KYNU: variants seen among roughly 807,000 people sequenced by gnomAD.
KYNU encodes the protein L-kynurenine hydrolase.
KYNU carries 54 observed loss-of-function variants against 59.2 expected under a neutral mutation model. The observed-to-expected ratio is 0.91, with a 90% confidence interval of 0.73 to 1.14. KYNU has a LOEUF of 1.14. Ranked by LOEUF, KYNU falls within the 50% of genes most tolerant of loss-of-function variation. The pLI, the probability that KYNU is intolerant of heterozygous loss-of-function variation, is 0.00. For missense variants in KYNU, 567 were observed against 554.4 expected (o/e 1.02, Z -0.23); for synonymous variants, 177 against 192.0 (o/e 0.92, Z 0.65).
intron 10 of KYNU, among the ~76,000 whole-genome samples, chr2:142,996,065 C>A (rs746716256): frequency 1.3e-5 from 2 of 152,034 alleles, no homozygotes; most frequent in Admixed American, 1.3e-4. Context: ...AATGCCCTAC[C>A]GTGGGAATAT....
intron 4 of KYNU, among the ~76,000 whole-genome samples, chr2:142,931,770 G>T (rs1683227138): frequency 6.6e-6 from 1 of 152,178 alleles, no homozygotes; most frequent in South Asian, 2.1e-4. Flanking sequence ...TTTGCCTGAA[G>T]ATTGAGGCCT....
chr2:143,015,409 A>G (rs1247262119), intron 10 of KYNU, among the ~76,000 whole-genome samples: 6 of 152,110 alleles, frequency 3.9e-5, no homozygotes, highest in African/African-American at 7.2e-5. Context: ...ATCATGCAAA[A>G]TTCTCAGGCG....
intron 8 of KYNU, among the ~76,000 whole-genome samples, chr2:142,961,854 T>G (rs532683398): frequency 6.6e-6 from 1 of 152,328 alleles, no homozygotes; most frequent in South Asian, 2.1e-4. Context: ...AATGTGACAA[T>G]TGAATTTTAT....
At chr2:142,930,915 A>C (rs1297218707) in intron 4 of KYNU, among the ~76,000 whole-genome samples, 1 of 152,142 alleles carries the variant, frequency 6.6e-6, no homozygotes, top group Non-Finnish European at 1.5e-5. Context: ...ATGCTGTTTT[A>C]ATGAGCGCCT....
rs143816217 is a variant in KYNU, at chr2:142,915,239, G to A, written c.170-3370G>A. ...TAACTACTTCAGGAAACTGGAGATT[G>A]GAGGTCTCCAGTGGGAAGGAGATTT... On this transcript the variant is annotated intron_variant, in intron 2 of 13. Transcript: ENST00000264170. 7.6e-3 allele frequency among the ~76,000 whole-genome samples: 1,161 copies of A among 152,258 alleles called. 7 individuals carry two copies. Among genetic ancestry groups the A allele is most frequent in the African/African-American group, 0.027 (1,113 of 41,534 alleles).
At chr2:143,028,873 A>G (rs1686656959) in intron 10 of KYNU, among the ~76,000 whole-genome samples, 1 of 150,974 alleles carries the variant, frequency 6.6e-6, no homozygotes, top group Non-Finnish European at 1.5e-5. Flanking sequence ...AAAACAAAAC[A>G]AAACAAAAAC....
chr2:143,014,846 A>G (rs1465831001), intron 10 of KYNU, among the ~76,000 whole-genome samples: 1 of 152,230 alleles, frequency 6.6e-6, no homozygotes, highest in African/African-American at 2.4e-5. Flanking sequence ...TTAATATAAC[A>G]TAGAAAAACA....
chr2:143,017,434 C>CTTTTTTTTTTTTTTTTTTTTTTTTTTT (rs1184177776), intron 10 of KYNU, among the ~76,000 whole-genome samples: 1 of 68,448 alleles, frequency 1.5e-5, no homozygotes, highest in Non-Finnish European at 2.6e-5. Context: ...TCTCTTTTTT[C>CTTTTTTTTTTTTTTTTTTTTTTTTTTT]TTTTTTTTTT....
At chr2:142,968,204 G>A in intron 8 of KYNU, among the ~76,000 whole-genome samples, 1 of 152,126 alleles carries the variant, frequency 6.6e-6, no homozygotes. Flanking sequence ...TAAAGGAGTT[G>A]CAAATAGAAA....
chr2:142,960,986 A>G (rs927348217), intron 8 of KYNU, among the ~76,000 whole-genome samples: 1 of 151,868 alleles, frequency 6.6e-6, no homozygotes, highest in Non-Finnish European at 1.5e-5. Flanking sequence ...CGAGGTCAGG[A>G]GTTTGAGACC....
chr2:142,955,492 G>A (rs1312154132), intron 5 of KYNU, among the ~76,000 whole-genome samples: 3 of 152,006 alleles, frequency 2.0e-5, no homozygotes, highest in Non-Finnish European at 1.5e-5. Context: ...TACAAGTTCA[G>A]ATATCCCTGG....
chr2:143,017,021 A>G (rs1374244099), intron 10 of KYNU, among the ~76,000 whole-genome samples: 1 of 152,104 alleles, frequency 6.6e-6, no homozygotes, highest in African/African-American at 2.4e-5. Flanking sequence ...CTGTTGCTGC[A>G]TTAATTTGCT....
rs538222955 is a variant in KYNU at position 143,001,664 on chromosome 2, T to C, written c.902+15643T>C. Among the ~76,000 whole-genome samples, 15 of 152,330 alleles carry C rather than the reference T, an allele frequency of 9.8e-5. No homozygotes were observed. The South Asian group carries it at 2.7e-3, about 27-fold the overall frequency. On this transcript the variant is annotated intron_variant, in intron 10 of 13. Coordinates refer to ENST00000264170, the MANE Select transcript of KYNU (RefSeq NM_003937.3). ...CTTTGTTCTGGTTATGCTATCTTGA[T>C]CACAGCTTCTTGCTTGTGGTCAGTG...
At chr2:142,937,642 TG>T (rs1418558913) in intron 4 of KYNU, among the ~76,000 whole-genome samples, 2 of 152,192 alleles carry the variant, frequency 1.3e-5, no homozygotes, top group Non-Finnish European at 2.9e-5. Context: ...AGTAAAGTGA[TG>T]TACAGAAAAT....
intron 10 of KYNU, among the ~76,000 whole-genome samples, chr2:143,026,546 C>A (rs570150625): frequency 1.3e-5 from 2 of 152,218 alleles, no homozygotes; most frequent in African/African-American, 4.8e-5. Context: ...GGACCCAACC[C>A]CACTCACTCG....
chr2:143,022,704 C>A (rs2105219479), intron 10 of KYNU, among the ~76,000 whole-genome samples: 1 of 151,896 alleles, frequency 6.6e-6, no homozygotes, highest in South Asian at 2.1e-4. Flanking sequence ...TATTAGTTTC[C>A]ATTTTGTTCC....
At chr2:142,970,357 C>T (rs747630025) in intron 8 of KYNU, among the ~76,000 whole-genome samples, 4 of 152,034 alleles carry the variant, frequency 2.6e-5, no homozygotes, top group Non-Finnish European at 5.9e-5. Context: ...CCCATAGTGT[C>T]TATGCAATAT....
intron 1 of KYNU, among the ~76,000 whole-genome samples, chr2:142,881,916 CT>C (rs869099302): frequency 0.27 from 30,341 of 112,950 alleles, 2,754 homozygotes; most frequent in South Asian, 0.43. Flanking sequence ...TTTCTTTTTT[CT>C]TTTTTTTTTT....
At chr2:142,967,517 A>G (rs1234327712) in intron 8 of KYNU, 1 of 152,162 alleles carries the variant, frequency 6.6e-6, no homozygotes, top group Non-Finnish European at 1.5e-5. Flanking sequence ...CAGTTTGAAT[A>G]AAAATGAATT....
Sources: allele counts gnomAD v4.1 joint callset (sites outside exome capture counted in the v4.1 genomes callset), GRCh38; gene constraint gnomAD v4.1.1; transcripts MANE v1.5; gene names NCBI Gene and HGNC (gene_info 2026-07-23, HGNC 2026-07-21).